The following RBFOX1 variants were observed in gnomAD, a reference collection of about 807,000 sequenced individuals.
RBFOX1 encodes RNA binding protein fox-1 homolog 1.
A neutral mutation model predicts 57.7 loss-of-function variants in RBFOX1; 8 were observed. The ratio of observed to expected loss-of-function variants is 0.14; its 90% CI spans 0.08 to 0.25. RBFOX1 has a LOEUF of 0.25. RBFOX1 is among the 10% of genes least tolerant of loss of function. RBFOX1 has a pLI of 1.00. For synonymous variants in RBFOX1, 326 were observed against 222.4 expected (o/e 1.47, Z -4.15); for missense variants, 611 against 548.5 (o/e 1.11, Z -1.14).
intron 3 of RBFOX1, among the ~76,000 whole-genome samples, chr16:5,756,422 C>T (rs1320311449): frequency 1.3e-5 from 2 of 152,022 alleles, no homozygotes; most frequent in African/African-American, 4.8e-5. Context: ...CTTGCTTAGA[C>T]CTGGTTTCTT....
rs1240468496 is a variant in RBFOX1 at position 6,505,170 on chromosome 16, C to G, written c.-63-149433C>G. Among the ~76,000 whole-genome samples the G allele has an allele frequency of 2.6e-5, 4 of 152,148 alleles. No individual in the cohort carries two copies. In the South Asian group the frequency reaches 6.2e-4, roughly 24 times the overall value. ...GGTTTCTGCCCTAGTTATGCAGTTT[C>G]TTGCTCAGTGGTTGGATTTGAAGTA... is the stretch of plus-strand genomic sequence containing the variant. On this transcript the variant is annotated intron_variant, in intron 2 of 15. Transcript: ENST00000550418.
intron 1 of RBFOX1, among the ~76,000 whole-genome samples, chr16:6,235,534 T>G (rs2097499067): frequency 1.4e-5 from 2 of 144,406 alleles, no homozygotes; most frequent in Admixed American, 1.5e-4. Context: ...ATAAAGAAAC[T>G]GTGGTGTGTG....
At chr16:6,536,299 G>C (rs958866497) in intron 2 of RBFOX1, among the ~76,000 whole-genome samples, 1 of 152,018 alleles carries the variant, frequency 6.6e-6, no homozygotes, top group African/African-American at 2.4e-5. Context: ...AGCAAATCTC[G>C]TGGGAAGGAA....
intron 2 of RBFOX1, among the ~76,000 whole-genome samples, chr16:6,525,995 C>T: frequency 6.6e-6 from 1 of 152,088 alleles, no homozygotes; most frequent in Non-Finnish European, 1.5e-5. Flanking sequence ...AAAATGACCC[C>T]AAGATATCCA....
intron 3 of RBFOX1, among the ~76,000 whole-genome samples, chr16:6,683,852 T>G (rs1292471569): frequency 2.6e-5 from 4 of 152,190 alleles, no homozygotes. Context: ...CTTTGAAGCC[T>G]CAGCAAAGTG....
At chr16:7,617,311 C>T (rs889419451) in intron 10 of RBFOX1, among the ~76,000 whole-genome samples, 1 of 152,052 alleles carries the variant, frequency 6.6e-6, no homozygotes, top group African/African-American at 2.4e-5. Context: ...GATTGTTTTC[C>T]AGTAAAACTA....
At chr16:6,534,402 G>A (rs1460150134) in intron 2 of RBFOX1, among the ~76,000 whole-genome samples, 1 of 152,092 alleles carries the variant, frequency 6.6e-6, no homozygotes, top group South Asian at 2.1e-4. Context: ...ATGGAATTCA[G>A]GATAGTGATT....
rs775416794 is a variant in RBFOX1, at chr16:6,911,864, C to T, written c.-15-140193C>T. Among the ~76,000 whole-genome samples the T allele has an allele frequency of 8.5e-5, 13 of 152,142 alleles. No individual in the cohort carries two copies. In the Middle Eastern group the frequency reaches 0.01, roughly 119 times the overall value. Reference sequence around the variant, plus strand: ...TCAGTAAAGTGATTTTAAGAAAAGACGTTAACTATATCATAGTACAGGTGG... The same window carrying T: ...TCAGTAAAGTGATTTTAAGAAAAGATGTTAACTATATCATAGTACAGGTGG... On this transcript the variant is annotated intron_variant, in intron 3 of 15. Coordinates refer to ENST00000550418, the MANE Select transcript of RBFOX1 (RefSeq NM_018723.4).
intron 1 of RBFOX1, among the ~76,000 whole-genome samples, chr16:5,377,765 C>A (rs1000445106): frequency 1.3e-5 from 2 of 151,416 alleles, no homozygotes; most frequent in Non-Finnish European, 2.9e-5. Flanking sequence ...GTCAACAAGT[C>A]CTCTGAACTG....
chr16:7,030,563 C>G (rs1297271161), intron 3 of RBFOX1, among the ~76,000 whole-genome samples: 5 of 152,118 alleles, frequency 3.3e-5, no homozygotes, highest in East Asian at 1.9e-4. Flanking sequence ...TCTTCACATG[C>G]TATTGTCTTT....
chr16:6,227,880 G>A (rs535982938), intron 1 of RBFOX1, among the ~76,000 whole-genome samples: 1 of 152,272 alleles, frequency 6.6e-6, no homozygotes, highest in African/African-American at 2.4e-5. Context: ...ACAGTAGGGA[G>A]GTTCCTCAAA....
chr16:6,476,309 T>C (rs1175015096), intron 2 of RBFOX1, among the ~76,000 whole-genome samples: 3 of 152,166 alleles, frequency 2.0e-5, no homozygotes, highest in Admixed American at 2.0e-4. Flanking sequence ...TTTAAAAAAA[T>C]AGTAAATACA....
At chr16:5,452,336 T>G (rs1258517524) in intron 1 of RBFOX1, among the ~76,000 whole-genome samples, 1 of 151,948 alleles carries the variant, frequency 6.6e-6, no homozygotes, top group Non-Finnish European at 1.5e-5. Flanking sequence ...TTCAAACTCC[T>G]GGCCTCAAGT....
At chr16:6,077,341 A>G (rs1310388569) in intron 1 of RBFOX1, among the ~76,000 whole-genome samples, 1 of 152,036 alleles carries the variant, frequency 6.6e-6, no homozygotes, top group East Asian at 1.9e-4. Flanking sequence ...TCATATCTTT[A>G]AAAGGTCACC....
chr16:6,990,690 C>T (rs1354566144), intron 3 of RBFOX1, among the ~76,000 whole-genome samples: 3 of 151,942 alleles, frequency 2.0e-5, no homozygotes, highest in Non-Finnish European at 4.4e-5. Flanking sequence ...AGTTTTGCAC[C>T]GACCTAATAG....
chr16:6,158,769 A>G (rs1394511536), intron 1 of RBFOX1, among the ~76,000 whole-genome samples: 1 of 152,178 alleles, frequency 6.6e-6, no homozygotes, highest in East Asian at 1.9e-4. Flanking sequence ...TATGTTCTCT[A>G]CAATTATATT....
chr16:5,519,968 C>T (rs953153055), intron 2 of RBFOX1, among the ~76,000 whole-genome samples: 5 of 152,222 alleles, frequency 3.3e-5, no homozygotes, highest in African/African-American at 1.2e-4. Flanking sequence ...GATATATCTC[C>T]TGCCCTCAGG....
intron 4 of RBFOX1, among the ~76,000 whole-genome samples, chr16:5,883,448 T>C (rs1474784071): frequency 6.6e-6 from 1 of 152,092 alleles, no homozygotes; most frequent in Non-Finnish European, 1.5e-5. Context: ...ACTATTCATC[T>C]CTTAGCATTG....
intron 3 of RBFOX1, among the ~76,000 whole-genome samples, chr16:6,701,955 G>C (rs113535129): frequency 0.01 from 1,524 of 152,250 alleles, 25 homozygotes; most frequent in African/African-American, 0.035. Context: ...AGGATGGAGG[G>C]TGGGAGGAGG....
Sources: gnomAD v4.1 joint callset for allele counts (sites outside exome capture counted in the v4.1 genomes callset) on GRCh38, gnomAD v4.1.1 for gene constraint, MANE v1.5 for transcripts, NCBI Gene and HGNC (gene_info 2026-07-23, HGNC 2026-07-21) for gene names.